Variants in ANKRD24 observed in about 807,000 individuals in gnomAD.
ANKRD24 encodes the protein ankyrin repeat domain-containing protein 24.
Under a neutral mutation model 127.8 loss-of-function variants are expected in ANKRD24, and 109 were observed. The observed-to-expected ratio is 0.85, with a 90% CI of 0.73 to 1.00. ANKRD24 has a LOEUF of 1.00. ANKRD24 is among the 50% of genes least tolerant of loss of function. ANKRD24 has a pLI of 0.00. For synonymous variants in ANKRD24, 743 were observed against 671.1 expected (o/e 1.11, Z -1.66); for missense variants, 1,648 against 1,570.2 (o/e 1.05, Z -0.84).
chr19:4,182,842 C>A, intron 1 of ANKRD24, 102 bp downstream of exon 1: 1 of 679,602 alleles, frequency 1.5e-6, no homozygotes, highest in Non-Finnish European at 1.8e-6. Context: ...ATGCGGGACA[C>A]AGGCTATCCA....
At chr19:4,213,547 C>A (rs569049367) in intron 15 of ANKRD24, among the ~76,000 whole-genome samples, 47 of 148,142 alleles carry the variant, frequency 3.2e-4, no homozygotes, top group African/African-American at 1.1e-3. Flanking sequence ...CCTCTGCCTC[C>A]CTGGTTCAAG....
chr19:4,191,324 C>A (rs924756863), intron 2 of ANKRD24, among the ~76,000 whole-genome samples: 2 of 151,578 alleles, frequency 1.3e-5, no homozygotes, highest in African/African-American at 4.9e-5. Context: ...CAGGCCCCCC[C>A]CTCCTGTCAC....
chr19:4,209,536 G>A (rs1035923247), intron 11 of ANKRD24, among the ~76,000 whole-genome samples: 33 of 152,066 alleles, frequency 2.2e-4, no homozygotes, highest in Admixed American at 6.6e-4. Context: ...TGCAACCTCT[G>A]CCTCCCAGGT....
chr19:4,224,133 G>T lies in ANKRD24; in HGVS notation c.3304G>T (p.Ala1102Ser), dbSNP rs763569415. Residue 1102 changes from alanine (A) to serine (S), a missense_variant, in exon 21 of 22, where the codon GCC becomes TCC. By Grantham distance (99) the Ala-to-Ser change is moderately conservative. Coordinates refer to ENST00000318934, the MANE Select transcript of ANKRD24 (RefSeq NM_001393985.1). ...KDLQQQLQEA[A>S]RDHSSVVALY... Reference sequence around the variant, plus strand: ...CCCTTCCTCATGCCCACAGGAAGCTGCCAGGGACCACTCCAGCGTGGTGGC... The same window carrying T: ...CCCTTCCTCATGCCCACAGGAAGCTTCCAGGGACCACTCCAGCGTGGTGGC... 4 of 1,612,702 alleles carry T rather than the reference G, an allele frequency of 2.5e-6. No homozygotes were observed. The highest frequency in any genetic ancestry group is 3.3e-5 in the Admixed American group (2 of 59,922).
At chr19:4,214,172 CT>C (rs11367695) in intron 15 of ANKRD24, among the ~76,000 whole-genome samples, 25,147 of 146,642 alleles carry the variant, frequency 0.17, 2,635 homozygotes, top group Non-Finnish European at 0.23. Flanking sequence ...ACAAATATTT[CT>C]TTTTTTTTTT....
At chr19:4,202,827 A>T (rs1185926847) in intron 6 of ANKRD24, 42 bp from the exon 7 acceptor site, 1 of 1,557,696 alleles carries the variant, frequency 6.4e-7, no homozygotes, top group South Asian at 1.2e-5. Flanking sequence ...ATCAGGCAGC[A>T]AGAAGGATGG....
intron 2 of ANKRD24, among the ~76,000 whole-genome samples, chr19:4,188,964 T>C (rs527696164): frequency 8.5e-5 from 13 of 152,136 alleles, no homozygotes; most frequent in African/African-American, 2.9e-4. Flanking sequence ...CCTGCCACTA[T>C]GGCTGGCTAA....
At chr19:4,211,023 G>T (rs1969708012) in intron 13 of ANKRD24, among the ~76,000 whole-genome samples, 1 of 151,814 alleles carries the variant, frequency 6.6e-6, no homozygotes, top group East Asian at 2.0e-4. Flanking sequence ...AGTAGAGACG[G>T]GGTTTCAGCA....
intron 20 of ANKRD24, among the ~76,000 whole-genome samples, chr19:4,223,393 A>ATTT (rs1204092268): frequency 1.0e-4 from 8 of 78,872 alleles, no homozygotes; most frequent in African/African-American, 5.6e-4. Context: ...ATATATATAT[A>ATTT]TATATATATT....
intron 2 of ANKRD24, among the ~76,000 whole-genome samples, chr19:4,193,036 C>T (rs1335362303): frequency 6.6e-6 from 1 of 152,022 alleles, no homozygotes; most frequent in African/African-American, 2.4e-5. Flanking sequence ...CGCAGTGACT[C>T]ACGCCTGTAA....
intron 15 of ANKRD24, among the ~76,000 whole-genome samples, chr19:4,213,122 CT>C (rs2145363686): frequency 6.6e-6 from 1 of 152,204 alleles, no homozygotes; most frequent in African/African-American, 2.4e-5. Context: ...CAGAGCGAGA[CT>C]CAGTCTCAAA....
chr19:4,185,440 G>A (rs1968007218), intron 1 of ANKRD24, among the ~76,000 whole-genome samples: 1 of 152,034 alleles, frequency 6.6e-6, no homozygotes, highest in Admixed American at 6.6e-5. Flanking sequence ...TAGAGGCCAT[G>A]CCAACCCCTA....
At chr19:4,187,782 G>C (rs745771562) in intron 2 of ANKRD24, among the ~76,000 whole-genome samples, 14 of 152,298 alleles carry the variant, frequency 9.2e-5, no homozygotes, top group East Asian at 1.9e-4. Context: ...TCCCCATCTG[G>C]TGTGGCCTGG....
intron 2 of ANKRD24, among the ~76,000 whole-genome samples, chr19:4,194,390 C>T (rs935517394): frequency 2.6e-5 from 4 of 152,124 alleles, no homozygotes; most frequent in South Asian, 2.1e-4. Context: ...TGACTTCAGG[C>T]GATCAGCCCA....
chr19:4,207,243 G>C lies in ANKRD24; in HGVS notation c.468G>C (p.Ala156=), dbSNP rs371160372. 66 of 1,613,486 alleles carry C rather than the reference G, an allele frequency of 4.1e-5. 2 individuals are homozygous for C. The South Asian group carries it at 4.8e-4, about 12-fold the overall frequency. The part of the protein sequence containing the change: ...SSGWTALHHA[A]AGGCLSCSEV... ...CGGACAACCTTTTCTCTTTTGCAGC[G>C]GCTGGTGGCTGTCTCTCCTGCTCAG... Residue 156 remains alanine, a splice_region_variant and synonymous_variant, in exon 8 of 22, where the codon GCG becomes GCC. Coordinates refer to ENST00000318934, the MANE Select transcript of ANKRD24 (RefSeq NM_001393985.1).
intron 7 of ANKRD24, among the ~76,000 whole-genome samples, chr19:4,203,328 C>T (rs980820094): frequency 2.6e-5 from 4 of 152,044 alleles, no homozygotes; most frequent in East Asian, 1.9e-4. Flanking sequence ...GGATTACAGG[C>T]GTGAGCCACC....
intron 13 of ANKRD24, among the ~76,000 whole-genome samples, chr19:4,212,234 G>C (rs1352140249): frequency 6.6e-6 from 1 of 152,058 alleles, no homozygotes; most frequent in African/African-American, 2.4e-5. Context: ...AAATAGGAAT[G>C]AATGAGGCTC....
intron 2 of ANKRD24, among the ~76,000 whole-genome samples, chr19:4,194,844 C>T (rs186952747): frequency 2.6e-4 from 39 of 152,016 alleles, no homozygotes; most frequent in Admixed American, 7.9e-4. Flanking sequence ...TGGGCTTGGC[C>T]GGTGGACCGA....
chr19:4,215,716 A>T (rs576153165), intron 15 of ANKRD24, among the ~76,000 whole-genome samples: 2 of 151,702 alleles, frequency 1.3e-5, no homozygotes, highest in Admixed American at 1.3e-4. Flanking sequence ...TGGAGGCTGC[A>T]GTGAACTATG....
Sources: allele counts gnomAD v4.1 joint callset (sites outside exome capture counted in the v4.1 genomes callset), GRCh38; gene constraint gnomAD v4.1.1; transcripts MANE v1.5; gene names NCBI Gene and HGNC (gene_info 2026-07-23, HGNC 2026-07-21).